Variants in NEK11 observed in about 807,000 individuals in gnomAD.
NEK11 encodes the protein serine/threonine-protein kinase Nek11.
A neutral mutation model predicts 80.7 loss-of-function variants in NEK11; 72 were observed. That is an observed-to-expected ratio of 0.89 (90% CI 0.74 to 1.08). The LOEUF is 1.08. NEK11 is among the 50% of genes least tolerant of loss of function. NEK11 has a pLI of 0.00. For synonymous variants in NEK11, 251 were observed against 260.7 expected (o/e 0.96, Z 0.36); for missense variants, 764 against 763.6 (o/e 1.00, Z -0.01).
rs369453589 is a variant in NEK11, at chr3:131,121,462, G to A, written c.456-11283G>A. Among the ~76,000 whole-genome samples the A allele has an allele frequency of 2.7e-4, 41 of 152,318 alleles. 1 individual carries two copies. The East Asian group carries it at 5.0e-3, about 19-fold the overall frequency. ...GCCCAGTTAAGGAGGCAGTCTGTCC[G>A]TTCTCAGATCTCAAACTCTGTGCTG... On this transcript the variant is annotated intron_variant, in intron 5 of 17. Coordinates refer to ENST00000383366, the MANE Select transcript of NEK11 (RefSeq NM_024800.5).
At chr3:131,162,608 C>T in intron 11 of NEK11, 81 bp downstream of exon 11, 1 of 1,544,074 alleles carries the variant, frequency 6.5e-7, no homozygotes, top group Non-Finnish European at 8.8e-7. Context: ...AAAGCAAAAA[C>T]CAAAACAGGA....
chr3:131,197,200 C>A (rs565565554), intron 14 of NEK11, among the ~76,000 whole-genome samples: 34 of 152,246 alleles, frequency 2.2e-4, no homozygotes, highest in Admixed American at 2.2e-3. Context: ...TCTCTGAGTA[C>A]CCCCTCTCAA....
intron 5 of NEK11, among the ~76,000 whole-genome samples, chr3:131,115,736 T>A (rs986223167): frequency 2.0e-5 from 3 of 152,042 alleles, no homozygotes; most frequent in Admixed American, 6.6e-5. Flanking sequence ...CACCTGCTGG[T>A]GGTCTCAAGG....
intron 5 of NEK11, among the ~76,000 whole-genome samples, chr3:131,127,176 G>A (rs1259717954): frequency 6.6e-6 from 1 of 151,854 alleles, no homozygotes; most frequent in Admixed American, 6.6e-5. Context: ...TGTTGGCCAT[G>A]CTGGTCTTGA....
chr3:131,125,809 G>A (rs1195612561), intron 5 of NEK11, among the ~76,000 whole-genome samples: 1 of 152,184 alleles, frequency 6.6e-6, no homozygotes, highest in African/African-American at 2.4e-5. Context: ...TCTCCTGTGA[G>A]TGAAGAACTG....
intron 14 of NEK11, among the ~76,000 whole-genome samples, chr3:131,203,827 A>ATATATATAT: frequency 8.2e-6 from 1 of 122,066 alleles, no homozygotes; most frequent in Non-Finnish European, 1.7e-5. Flanking sequence ...ATATATATAT[A>ATATATATAT]AAGTTTTCAC....
At chr3:131,236,516 G>C (rs868215344) in intron 15 of NEK11, among the ~76,000 whole-genome samples, 2 of 152,186 alleles carry the variant, frequency 1.3e-5, no homozygotes, top group African/African-American at 2.4e-5. Flanking sequence ...GCATTAATAA[G>C]AGACAGCTGC....
chr3:131,098,403 T>C (rs2077805877), intron 4 of NEK11, among the ~76,000 whole-genome samples: 1 of 152,074 alleles, frequency 6.6e-6, no homozygotes, highest in Non-Finnish European at 1.5e-5. Context: ...CACAACCTAC[T>C]CATCTGTTTT....
At chr3:131,230,239 G>A (rs2095304686) in intron 15 of NEK11, among the ~76,000 whole-genome samples, 1 of 152,116 alleles carries the variant, frequency 6.6e-6, no homozygotes, top group South Asian at 2.1e-4. Context: ...ACAGCTCCTA[G>A]GTCAGGAAAT....
At chr3:131,304,061 T>C (rs1307247652) in intron 17 of NEK11, among the ~76,000 whole-genome samples, 1 of 152,218 alleles carries the variant, frequency 6.6e-6, no homozygotes, top group Non-Finnish European at 1.5e-5. Context: ...CAGTGAGTCA[T>C]AGATTTGGTC....
intron 3 of NEK11, among the ~76,000 whole-genome samples, chr3:131,057,448 C>T (rs2069784503): frequency 6.6e-6 from 1 of 151,524 alleles, no homozygotes; most frequent in Admixed American, 6.6e-5. Flanking sequence ...TTCTAGATCC[C>T]TGAGGAATCG....
At chr3:131,115,919 T>TTTCA (rs2080988449) in intron 5 of NEK11, among the ~76,000 whole-genome samples, 4 of 88,320 alleles carry the variant, frequency 4.5e-5, no homozygotes, top group Non-Finnish European at 7.2e-5. Flanking sequence ...TCTTTCTTTC[T>TTTCA]TTCTTTCTTT....
intron 3 of NEK11, among the ~76,000 whole-genome samples, chr3:131,058,811 C>T (rs1356905048): frequency 6.6e-6 from 1 of 152,158 alleles, no homozygotes. Context: ...ACAAGTCTGT[C>T]TGGGTAACAG....
intron 14 of NEK11, among the ~76,000 whole-genome samples, chr3:131,181,161 A>G (rs2093321155): frequency 1.3e-5 from 2 of 152,166 alleles, no homozygotes; most frequent in Non-Finnish European, 2.9e-5. Context: ...GATTATTCTG[A>G]TTATTTGGAT....
At chr3:131,168,680 C>G (rs973265433) in intron 12 of NEK11, 150 bp from the exon 13 acceptor site, 4 of 557,556 alleles carry the variant, frequency 7.2e-6, no homozygotes, top group Non-Finnish European at 9.5e-6. Context: ...TATAATCCCT[C>G]TGCTAATTCC....
rs137966624 is a variant in NEK11, at chr3:131,070,185, A to G, written c.171-10238A>G. On this transcript the variant is annotated intron_variant, in intron 3 of 17. Coordinates refer to ENST00000383366, the MANE Select transcript of NEK11 (RefSeq NM_024800.5). ...TAAGTAGGATCTTTGCTGTAAGCTCAGAACTTCTCAAAGCGTAATGGAGTG... is the reference window on the plus strand; with the variant it reads ...TAAGTAGGATCTTTGCTGTAAGCTCGGAACTTCTCAAAGCGTAATGGAGTG... Among the ~76,000 whole-genome samples, 1,418 of 152,342 alleles carry G rather than the reference A, an allele frequency of 9.3e-3. 20 individuals are homozygous for G. The highest frequency in any genetic ancestry group is 0.031 in the African/African-American group (1,303 of 41,592).
chr3:131,266,184 AG>A (rs1160920039), intron 16 of NEK11, among the ~76,000 whole-genome samples: 1 of 151,968 alleles, frequency 6.6e-6, no homozygotes, highest in African/African-American at 2.4e-5. Flanking sequence ...GATTTTTTGA[AG>A]GGTTTTTCCT....
chr3:131,063,182 G>T (rs1292846134), intron 3 of NEK11, among the ~76,000 whole-genome samples: 2 of 151,922 alleles, frequency 1.3e-5, no homozygotes, highest in Non-Finnish European at 2.9e-5. Flanking sequence ...ATGCCACCAC[G>T]CCCAGCTAAT....
intron 17 of NEK11, among the ~76,000 whole-genome samples, chr3:131,333,142 A>G (rs2110107970): frequency 6.6e-6 from 1 of 152,306 alleles, no homozygotes; most frequent in Non-Finnish European, 1.5e-5. Flanking sequence ...CCTCAAGAAG[A>G]GCAACTCCAA....
Sources: allele counts gnomAD v4.1 joint callset (sites outside exome capture counted in the v4.1 genomes callset), GRCh38; gene constraint gnomAD v4.1.1; transcripts MANE v1.5; gene names NCBI Gene and HGNC (gene_info 2026-07-23, HGNC 2026-07-21).